The following CHN1 variants were observed in gnomAD, a reference collection of about 807,000 sequenced individuals.
The protein encoded by CHN1 is chimerin 1, also known as N-chimaerin.
A neutral mutation model predicts 59.5 loss-of-function variants in CHN1; 37 were observed. That is an observed-to-expected ratio of 0.62 (90% CI 0.48 to 0.82). CHN1 has a LOEUF of 0.82. CHN1 is among the 40% of genes least tolerant of loss of function. CHN1 has a pLI of 0.00. For missense variants in CHN1, 469 were observed against 571.0 expected, an observed-to-expected ratio of 0.82 and a Z score of 1.82; for synonymous variants, 206 against 200.4, an observed-to-expected ratio of 1.03 and a Z score of -0.24.
At chr2:174,886,415 A>C (rs1374341704) in intron 5 of CHN1, among the ~76,000 whole-genome samples, 1 of 152,162 alleles carries the variant, frequency 6.6e-6, no homozygotes, top group Non-Finnish European at 1.5e-5. Context: ...CCAATTATTA[A>C]ACTTCTAGTT....
chr2:174,908,572 C>G (rs1165317598), intron 5 of CHN1, among the ~76,000 whole-genome samples: 1 of 152,174 alleles, frequency 6.6e-6, no homozygotes, highest in African/African-American at 2.4e-5. Flanking sequence ...CCATGCTGTT[C>G]TACATTCCGG....
chr2:174,931,133 CAA>C (rs34575603), intron 3 of CHN1, among the ~76,000 whole-genome samples: 6,860 of 141,206 alleles, frequency 0.049, 541 homozygotes, highest in African/African-American at 0.17. Context: ...AAATATATGG[CAA>C]AAAAAAAAAA....
intron 1 of CHN1, among the ~76,000 whole-genome samples, chr2:174,961,964 A>G (rs145562317): frequency 3.8e-4 from 58 of 152,282 alleles, no homozygotes; most frequent in African/African-American, 1.3e-3. Flanking sequence ...TGGCATATCT[A>G]GGATATGGGA....
In CHN1 at chr2:174,808,034, A is replaced by G. The variant is rs187312210; in HGVS notation, c.1102+871T>C. Among the ~76,000 whole-genome samples, 821 of 152,370 alleles carry G rather than the reference A, an allele frequency of 5.4e-3. 4 individuals carry two copies. Among genetic ancestry groups the G allele is most frequent in the Middle Eastern group, 0.024 (7 of 294 alleles). On this transcript the variant is annotated intron_variant, in intron 11 of 12. Coordinates refer to ENST00000409900, the MANE Select transcript of CHN1 (RefSeq NM_001822.7). The stretch of plus-strand genomic sequence containing the variant: ...GAATTACAAGTATGATTTTTACAGC[A>G]TAAATGAACTTTGACAAATAAACCT...
chr2:174,865,544 G>A (rs1558958246), intron 6 of CHN1, among the ~76,000 whole-genome samples: 2 of 152,120 alleles, frequency 1.3e-5, no homozygotes, highest in Non-Finnish European at 1.5e-5. Flanking sequence ...AAGATTAAAG[G>A]AGATAACCTG....
chr2:174,908,554 G>A (rs187568020), intron 5 of CHN1, among the ~76,000 whole-genome samples: 1 of 152,190 alleles, frequency 6.6e-6, no homozygotes, highest in Admixed American at 6.5e-5. Flanking sequence ...TGCCATACAC[G>A]AAATGCTCCA....
intron 9 of CHN1, 147 bp from the exon 10 acceptor site, chr2:174,811,735 C>T (rs755105152): frequency 9.1e-5 from 50 of 547,544 alleles, no homozygotes; most frequent in African/African-American, 6.5e-4. Flanking sequence ...TAGAATAAAA[C>T]GATTTCACAC....
At chr2:174,882,871 T>G (rs1161682807) in intron 5 of CHN1, among the ~76,000 whole-genome samples, 1 of 152,136 alleles carries the variant, frequency 6.6e-6, no homozygotes, top group Admixed American at 6.5e-5. Context: ...CAAAATAAAT[T>G]TAGATGAATT....
At chr2:175,004,190 T>C (rs1409791421) in intron 1 of CHN1, among the ~76,000 whole-genome samples, 1 of 152,162 alleles carries the variant, frequency 6.6e-6, no homozygotes, top group Non-Finnish European at 1.5e-5. Flanking sequence ...TCCCAACCCA[T>C]TGTCATTGCA....
In CHN1 at chr2:174,957,446, TG is replaced by T. The variant is rs571065105; in HGVS notation, c.20-5245del. Among the ~76,000 whole-genome samples, 433 of 89,728 alleles carry T rather than the reference TG, an allele frequency of 4.8e-3. 15 individuals carry two copies. Among genetic ancestry groups the T allele is most frequent in the South Asian group, 0.046 (105 of 2,298 alleles). The allele number at this position is 89,728 out of a possible 152,430, so 58.9% of individuals were successfully genotyped here. On this transcript the variant is annotated intron_variant, in intron 1 of 12. Coordinates refer to ENST00000409900, the MANE Select transcript of CHN1 (RefSeq NM_001822.7). ...AATGCCTCTGCTAGGGTGTGTGTGT[TG>T]GGGGGGGGGGCAGTTAATTATATTG...
At chr2:174,922,214 TTAGA>T (rs1689036480) in intron 3 of CHN1, among the ~76,000 whole-genome samples, 2 of 152,176 alleles carry the variant, frequency 1.3e-5, no homozygotes, top group Non-Finnish European at 2.9e-5. Context: ...TGTTTAAGTC[TTAGA>T]TAATTAATTT....
At chr2:174,883,913 AAAAAG>A (rs1687814059) in intron 5 of CHN1, among the ~76,000 whole-genome samples, 4 of 151,816 alleles carry the variant, frequency 2.6e-5, no homozygotes, top group African/African-American at 7.3e-5. Context: ...AAAAGATAAA[AAAAAG>A]GAGAGAAAAT....
intron 5 of CHN1, among the ~76,000 whole-genome samples, chr2:174,901,749 A>C (rs1385371397): frequency 6.6e-6 from 1 of 152,336 alleles, no homozygotes; most frequent in South Asian, 2.1e-4. Context: ...GGGCCATGAG[A>C]TTATAGGTAA....
chr2:174,817,610 C>T (rs1377752933), intron 8 of CHN1, among the ~76,000 whole-genome samples: 6 of 150,764 alleles, frequency 4.0e-5, no homozygotes, highest in Non-Finnish European at 8.9e-5. Context: ...TACAGACACG[C>T]GTCGCTACGC....
intron 3 of CHN1, chr2:174,921,026 G>C (rs1004920880): frequency 4.8e-6 from 2 of 412,792 alleles, no homozygotes; most frequent in East Asian, 1.4e-4. Flanking sequence ...GTTCCCATGA[G>C]TCTAATATGG....
intron 1 of CHN1, among the ~76,000 whole-genome samples, chr2:174,960,602 G>A (rs946460653): frequency 6.6e-5 from 10 of 152,168 alleles, no homozygotes; most frequent in Non-Finnish European, 1.5e-4. Flanking sequence ...CAGCACTCTG[G>A]GAGGCCAAGG....
chr2:174,935,802 G>A (rs1173445259), intron 3 of CHN1, among the ~76,000 whole-genome samples: 1 of 151,936 alleles, frequency 6.6e-6, no homozygotes, highest in Admixed American at 6.6e-5. Context: ...GCACGGCGGT[G>A]CACACATGCA....
intron 5 of CHN1, among the ~76,000 whole-genome samples, chr2:174,884,044 T>C (rs1224757696): frequency 6.6e-6 from 1 of 150,456 alleles, no homozygotes; most frequent in Non-Finnish European, 1.5e-5. Context: ...CTCAGCTCAC[T>C]GCAAGCTCCG....
chr2:174,878,374 TTTTA>T (rs1472713539), intron 5 of CHN1, among the ~76,000 whole-genome samples: 2 of 152,230 alleles, frequency 1.3e-5, no homozygotes, highest in Non-Finnish European at 2.9e-5. Flanking sequence ...AAATAATTTT[TTTTA>T]TTTATCTTTT....
Sources: gnomAD v4.1 joint callset for allele counts (sites outside exome capture counted in the v4.1 genomes callset) on GRCh38, gnomAD v4.1.1 for gene constraint, MANE v1.5 for transcripts, NCBI Gene and HGNC (gene_info 2026-07-23, HGNC 2026-07-21) for gene names.